The following CDH12 variants were observed in gnomAD, a reference collection of about 807,000 sequenced individuals.
CDH12 encodes the protein cadherin 12, also known as cadherin-12.
CDH12 carries 41 observed loss-of-function variants against 74.1 expected under a neutral mutation model. The observed-to-expected ratio is 0.55, with a 90% CI of 0.43 to 0.72. The LOEUF is 0.72. CDH12 is among the 30% of genes least tolerant of loss of function. The probability of loss-of-function intolerance (pLI) is 0.00; values close to 1 mark genes in which losing one functional copy is unlikely to be tolerated. For missense variants in CDH12, 945 were observed against 977.2 expected (o/e 0.97, Z 0.44); for synonymous variants, 399 against 355.0 (o/e 1.12, Z -1.39).
At chr5:22,095,588 T>TG (rs1345740980) in intron 4 of CDH12, among the ~76,000 whole-genome samples, 1 of 151,552 alleles carries the variant, frequency 6.6e-6, no homozygotes, top group Non-Finnish European at 1.5e-5. Flanking sequence ...TCTGCTTTTC[T>TG]GGGGGGCAAG....
rs769795379 is a variant in CDH12 at position 21,842,152 on chromosome 5, G to A, written c.814+9C>T. On this transcript the variant is annotated intron_variant, in intron 8 of 14. Coordinates refer to ENST00000382254, the MANE Select transcript of CDH12 (RefSeq NM_004061.5). ...CAATAATTTAGGCTTAACAGGAAAG[G>A]TGACATACTTTTGGGGAATCGAGGT... The A allele has an allele frequency of 1.2e-6, 2 of 1,602,046 alleles. No individual in the cohort carries two copies. Among genetic ancestry groups the A allele is most frequent in the Middle Eastern group, 1.7e-4 (1 of 6,008 alleles).
intron 1 of CDH12, among the ~76,000 whole-genome samples, chr5:22,575,333 C>T (rs938160100): frequency 6.6e-6 from 1 of 152,082 alleles, no homozygotes; most frequent in African/African-American, 2.4e-5. Flanking sequence ...TAAAGCTGAT[C>T]ACCTTTTGTG....
intron 1 of CDH12, among the ~76,000 whole-genome samples, chr5:22,554,686 C>G (rs939739960): frequency 6.6e-6 from 1 of 152,010 alleles, no homozygotes; most frequent in African/African-American, 2.4e-5. Flanking sequence ...CTACAATAGC[C>G]TATTTAACTA....
chr5:22,795,826 A>T (rs931665108), intron 1 of CDH12, among the ~76,000 whole-genome samples: 8 of 152,062 alleles, frequency 5.3e-5, no homozygotes, highest in Non-Finnish European at 1.0e-4. Context: ...TCAAAATAGT[A>T]GAGTGAGAAG....
intron 1 of CDH12, among the ~76,000 whole-genome samples, chr5:22,708,863 A>C (rs893746973): frequency 6.6e-6 from 1 of 152,184 alleles, no homozygotes; most frequent in Non-Finnish European, 1.5e-5. Context: ...TAGCAGAAGC[A>C]AAGTGAAGCA....
At chr5:22,172,597 C>G (rs1280623041) in intron 4 of CDH12, 1 of 151,764 alleles carries the variant, frequency 6.6e-6, no homozygotes, top group Non-Finnish European at 1.5e-5. Context: ...ACTGGGAGGT[C>G]TCTTTCCTTA....
chr5:22,090,101 C>T (rs1743321506), intron 4 of CDH12, among the ~76,000 whole-genome samples: 1 of 151,780 alleles, frequency 6.6e-6, no homozygotes, highest in African/African-American at 2.4e-5. Flanking sequence ...ATAAAATAAA[C>T]ACACCAAATT....
At chr5:22,153,183 CTT>C (rs70957094) in intron 4 of CDH12, among the ~76,000 whole-genome samples, 2 of 138,468 alleles carry the variant, frequency 1.4e-5, no homozygotes, top group Non-Finnish European at 1.5e-5. Flanking sequence ...TTTTTCTTTT[CTT>C]TTTTTTTTTT....
intron 6 of CDH12, among the ~76,000 whole-genome samples, chr5:21,857,500 T>C (rs77094790): frequency 0.018 from 2,801 of 151,930 alleles, 77 homozygotes; most frequent in African/African-American, 0.062. Context: ...AATTAGTGTA[T>C]ATTTAGTAAC....
chr5:22,160,207 T>C (rs1379625327), intron 4 of CDH12, among the ~76,000 whole-genome samples: 1 of 152,082 alleles, frequency 6.6e-6, no homozygotes, highest in Non-Finnish European at 1.5e-5. Flanking sequence ...GGCAGAAAAA[T>C]GTCCACAGAA....
intron 6 of CDH12, among the ~76,000 whole-genome samples, chr5:21,939,584 A>G (rs1755239734): frequency 6.6e-6 from 1 of 152,126 alleles, no homozygotes; most frequent in African/African-American, 2.4e-5. Flanking sequence ...TCAGATTACT[A>G]GTAATTATTT....
intron 1 of CDH12, among the ~76,000 whole-genome samples, chr5:22,626,246 C>A (rs72637728): frequency 6.6e-6 from 1 of 152,130 alleles, no homozygotes; most frequent in Non-Finnish European, 1.5e-5. Context: ...GCTGACAGAG[C>A]GCACCCTGAT....
rs114796786 is a variant in CDH12 at position 22,653,129 on chromosome 5, T to G, written c.-522-147765A>C. ...ATTAATATATCCTATCAATAATAAG[T>G]AGCATTGTCATAATCATCATCATTC... On this transcript the variant is annotated intron_variant, in intron 1 of 14. Coordinates refer to ENST00000382254, the MANE Select transcript of CDH12 (RefSeq NM_004061.5). 7.3e-3 allele frequency among the ~76,000 whole-genome samples: 1,106 copies of G among 152,266 alleles called. 5 individuals carry two copies. The highest frequency in any genetic ancestry group is 0.02 in the Middle Eastern group (6 of 294).
intron 5 of CDH12, among the ~76,000 whole-genome samples, chr5:22,045,589 T>C (rs577952186): frequency 8.7e-5 from 12 of 137,508 alleles, no homozygotes; most frequent in Non-Finnish European, 1.5e-4. Context: ...ACAAAAATGG[T>C]ACACTATTCA....
At chr5:22,689,233 A>G (rs186098268) in intron 1 of CDH12, among the ~76,000 whole-genome samples, 463 of 152,256 alleles carry the variant, frequency 3.0e-3, no homozygotes, top group Non-Finnish European at 5.1e-3. Context: ...GGCACATAAG[A>G]TGGAAAGAGG....
intron 1 of CDH12, among the ~76,000 whole-genome samples, chr5:22,533,913 G>C (rs1003256345): frequency 2.6e-5 from 4 of 152,110 alleles, no homozygotes; most frequent in African/African-American, 9.7e-5. Context: ...TGAAGTTGTA[G>C]AAGTTCTAGT....
intron 1 of CDH12, among the ~76,000 whole-genome samples, chr5:22,797,852 T>C (rs1191801230): frequency 6.6e-6 from 1 of 152,216 alleles, no homozygotes; most frequent in Non-Finnish European, 1.5e-5. Flanking sequence ...GGGTTTATAT[T>C]CTCTCCTGTA....
intron 1 of CDH12, among the ~76,000 whole-genome samples, chr5:22,824,903 T>C (rs1049366140): frequency 3.3e-5 from 5 of 151,708 alleles, no homozygotes; most frequent in Non-Finnish European, 7.4e-5. Flanking sequence ...GTCCAAAATT[T>C]ATATATCTAT....
chr5:21,814,134 G>C (rs1390217770), intron 9 of CDH12, among the ~76,000 whole-genome samples: 4 of 130,076 alleles, frequency 3.1e-5, no homozygotes, highest in Non-Finnish European at 6.5e-5. Flanking sequence ...TCCACCACAG[G>C]AGAAATGAGT....
Sources: allele counts gnomAD v4.1 joint callset (sites outside exome capture counted in the v4.1 genomes callset), GRCh38; gene constraint gnomAD v4.1.1; transcripts MANE v1.5; gene names NCBI Gene and HGNC (gene_info 2026-07-23, HGNC 2026-07-21).